Variants in LRP1B observed in about 807,000 individuals in gnomAD.
The protein encoded by LRP1B is low-density lipoprotein receptor-related protein 1B.
In LRP1B, 217 loss-of-function variants were observed where a neutral mutation model predicts 556.6. The ratio of observed to expected loss-of-function variants is 0.39; its 90% confidence interval spans 0.35 to 0.44. The LOEUF (loss-of-function observed/expected upper bound fraction) is 0.44, where lower values mean the gene tolerates loss of function less well. LRP1B is among the 20% of genes least tolerant of loss of function. The pLI is 1.00. For missense variants in LRP1B, 5,053 were observed against 5,620.8 expected, an observed-to-expected ratio of 0.90 and a Z score of 3.23; for synonymous variants, 2,047 against 1,865.8, an observed-to-expected ratio of 1.10 and a Z score of -2.50.
At chr2:141,408,063 T>A (rs4422109) in intron 3 of LRP1B, among the ~76,000 whole-genome samples, 97,115 of 151,626 alleles carry the variant, frequency 0.64, 32,230 homozygotes, top group Non-Finnish European at 0.73. Flanking sequence ...CTTCTTTACA[T>A]CTGCACAACC....
At chr2:142,020,424 A>G (rs1204330737) in intron 1 of LRP1B, among the ~76,000 whole-genome samples, 1 of 152,172 alleles carries the variant, frequency 6.6e-6, no homozygotes, top group Admixed American at 6.5e-5. Flanking sequence ...TATATTTCTC[A>G]TGCATTCCTT....
At chr2:141,196,630 TTTTC>T (rs992398526) in intron 6 of LRP1B, among the ~76,000 whole-genome samples, 2 of 151,998 alleles carry the variant, frequency 1.3e-5, no homozygotes, top group African/African-American at 4.8e-5. Context: ...CAGCTTTTCT[TTTTC>T]TTTCTTAGAA....
At chr2:140,513,903 T>C (rs190029454) in intron 51 of LRP1B, among the ~76,000 whole-genome samples, 1 of 152,024 alleles carries the variant, frequency 6.6e-6, no homozygotes, top group African/African-American at 2.4e-5. Flanking sequence ...TGTACAGAAA[T>C]AGATTAGATA....
chr2:140,412,567 AG>A (rs1685009401), intron 66 of LRP1B, among the ~76,000 whole-genome samples: 1 of 152,068 alleles, frequency 6.6e-6, no homozygotes, highest in African/African-American at 2.4e-5. Context: ...GTATTCAGGA[AG>A]GGAAAAGGAA....
At chr2:141,456,992 G>T (rs1681659043) in intron 3 of LRP1B, among the ~76,000 whole-genome samples, 1 of 152,150 alleles carries the variant, frequency 6.6e-6, no homozygotes, top group Non-Finnish European at 1.5e-5. Context: ...TTAGTAAGAT[G>T]GCTTTTCTGA....
chr2:140,908,111 T>G (rs1233136846), intron 21 of LRP1B, 34 bp from the exon 22 acceptor site: 1 of 1,556,034 alleles, frequency 6.4e-7, no homozygotes, highest in East Asian at 2.3e-5. Context: ...AGTTTGATTT[T>G]TGTGATTAGG....
At position 141,617,098 on chromosome 2, in the gene LRP1B, A is replaced by G. The variant is rs559553941; in HGVS notation, c.206-136565T>C. Among the ~76,000 whole-genome samples, 27 of 152,284 alleles carry G rather than the reference A, an allele frequency of 1.8e-4. 1 individual carries two copies. In the South Asian group the frequency reaches 4.3e-3, roughly 25 times the overall value. ...TTTCATTTTATTTTATCATCGGGGT[A>G]TATCTCTATAAAATAGCTTACTGTA... On this transcript the variant is annotated intron_variant, in intron 2 of 90. Coordinates refer to ENST00000389484, the MANE Select transcript of LRP1B (RefSeq NM_018557.3).
chr2:140,601,317 A>T, intron 42 of LRP1B, 133 bp downstream of exon 42: 1 of 769,900 alleles, frequency 1.3e-6, no homozygotes, highest in Non-Finnish European at 1.9e-6. Context: ...TAAAAAAAAA[A>T]GTTTTATGAA....
intron 4 of LRP1B, among the ~76,000 whole-genome samples, chr2:141,247,817 A>T (rs1391472827): frequency 6.6e-6 from 1 of 152,168 alleles, no homozygotes; most frequent in Non-Finnish European, 1.5e-5. Context: ...TATTAAGCAC[A>T]CCTATTGAAA....
intron 41 of LRP1B, among the ~76,000 whole-genome samples, chr2:140,628,589 T>C (rs955972564): frequency 6.6e-6 from 1 of 151,798 alleles, no homozygotes; most frequent in African/African-American, 2.4e-5. Context: ...TACAAATGTG[T>C]AGATTTGCAA....
At chr2:140,523,672 T>C (rs757744154) in intron 49 of LRP1B, among the ~76,000 whole-genome samples, 1 of 151,926 alleles carries the variant, frequency 6.6e-6, no homozygotes, top group African/African-American at 2.4e-5. Context: ...TAATCAAGTT[T>C]AGTGAAGATG....
At chr2:141,940,462 T>G (rs1229585330) in intron 1 of LRP1B, among the ~76,000 whole-genome samples, 1 of 152,162 alleles carries the variant, frequency 6.6e-6, no homozygotes, top group Non-Finnish European at 1.5e-5. Flanking sequence ...TAATTCACAA[T>G]GTACTCTTCA....
chr2:141,052,420 A>G (rs1699062586), intron 10 of LRP1B, among the ~76,000 whole-genome samples: 1 of 151,862 alleles, frequency 6.6e-6, no homozygotes, highest in Non-Finnish European at 1.5e-5. Flanking sequence ...GTCTTCAAAA[A>G]CTTTCCTTTC....
At chr2:140,968,503 GTTTT>G (rs34542410) in intron 18 of LRP1B, among the ~76,000 whole-genome samples, 3 of 97,670 alleles carry the variant, frequency 3.1e-5, no homozygotes, top group African/African-American at 8.9e-5. Context: ...ATTTTTTGCA[GTTTT>G]TTTTTTTGTG....
At chr2:141,448,677 A>G (rs529269612) in intron 3 of LRP1B, among the ~76,000 whole-genome samples, 1 of 152,284 alleles carries the variant, frequency 6.6e-6, no homozygotes, top group East Asian at 1.9e-4. Context: ...TGAACTTCCC[A>G]GGTGAAGCGA....
At chr2:141,227,390 G>A (rs1276423442) in intron 6 of LRP1B, among the ~76,000 whole-genome samples, 1 of 152,178 alleles carries the variant, frequency 6.6e-6, no homozygotes. Flanking sequence ...CTGTGGCCTT[G>A]TGTTCAGTTT....
rs1276253798 is a variant in LRP1B, at chr2:140,664,238, CAT to C, written c.6799+36010_6799+36011del. 1.5e-4 allele frequency among the ~76,000 whole-genome samples: 23 copies of C among 152,256 alleles called. No homozygotes were observed. The South Asian group carries it at 2.3e-3, about 15-fold the overall frequency. ...GTAACAAAGGTACATAAAGTGAGCA[CAT>C]GTTATTGGAAAAATAGTGCCAACAG... On this transcript the variant is annotated intron_variant, in intron 41 of 90. Transcript: ENST00000389484.
intron 41 of LRP1B, among the ~76,000 whole-genome samples, chr2:140,616,255 C>T (rs1163272257): frequency 6.6e-6 from 1 of 151,724 alleles, no homozygotes; most frequent in Non-Finnish European, 1.5e-5. Flanking sequence ...TGGAGGAAAA[C>T]AATATGAAAC....
chr2:140,963,869 A>G (rs1422767257), intron 18 of LRP1B, among the ~76,000 whole-genome samples: 5 of 152,154 alleles, frequency 3.3e-5, no homozygotes, highest in Admixed American at 2.6e-4. Context: ...CCAGCCCCAC[A>G]GGGTCGGTGG....
Sources: allele counts gnomAD v4.1 joint callset (sites outside exome capture counted in the v4.1 genomes callset), GRCh38; gene constraint gnomAD v4.1.1; transcripts MANE v1.5; gene names NCBI Gene and HGNC (gene_info 2026-07-23, HGNC 2026-07-21).